The following CLEC12A variants were observed in gnomAD, a reference collection of about 807,000 sequenced individuals.
CLEC12A encodes the protein C-type lectin domain family 12 member A.
CLEC12A carries 22 observed loss-of-function variants against 26.5 expected under a neutral mutation model. The observed-to-expected ratio is 0.83, with a 90% CI of 0.59 to 1.19. The LOEUF (loss-of-function observed/expected upper bound fraction) is 1.19. Among genes scored for constraint, CLEC12A ranks in the 50% most tolerant of loss-of-function variants. The pLI, the probability that CLEC12A is intolerant of heterozygous loss-of-function variation, is 0.00. For synonymous variants in CLEC12A, 119 were observed against 101.9 expected (o/e 1.17, Z -1.01); for missense variants, 353 against 315.6 (o/e 1.12, Z -0.90).
chr12:9,988,277 G>A (rs933472928), downstream of CLEC12A, among the ~76,000 whole-genome samples: 1 of 152,040 alleles, frequency 6.6e-6, no homozygotes, highest in African/African-American at 2.4e-5. Context: ...GAAAACCTAG[G>A]CATTACCATT....
intron 1 of CLEC12A, among the ~76,000 whole-genome samples, chr12:9,956,833 C>T (rs1863749119): frequency 6.6e-6 from 1 of 152,152 alleles, no homozygotes; most frequent in South Asian, 2.1e-4. Context: ...AATCTTTGAC[C>T]TATGGCAACC....
At chr12:9,991,860 G>C (rs1864901582) in intron 4 of CLEC12A, 1 of 152,106 alleles carries the variant, frequency 6.6e-6, no homozygotes, top group Non-Finnish European at 1.5e-5. Context: ...AAGCCAGATA[G>C]AGAGTAAGTT....
chr12:9,997,992 G>A (rs1865092533), downstream of CLEC12A, among the ~76,000 whole-genome samples: 2 of 152,134 alleles, frequency 1.3e-5, no homozygotes, highest in Non-Finnish European at 1.5e-5. Context: ...TAGGAAAAGG[G>A]ATGAAAAAGT....
At chr12:9,992,830 T>C (rs1864923768) in intron 4 of CLEC12A, 1 of 228,348 alleles carries the variant, frequency 4.4e-6, no homozygotes, top group Admixed American at 5.1e-5. Context: ...TATATTGGCC[T>C]GATTTTGATG....
chr12:9,972,382 C>T (rs529620029), intron 1 of CLEC12A, among the ~76,000 whole-genome samples: 2 of 152,238 alleles, frequency 1.3e-5, no homozygotes, highest in South Asian at 4.1e-4. Flanking sequence ...TTGACTTTCA[C>T]TTAAACAAAA....
chr12:9,991,944 C>T (rs1313706892), intron 4 of CLEC12A: 1 of 152,056 alleles, frequency 6.6e-6, no homozygotes, highest in Admixed American at 6.6e-5. Flanking sequence ...CTGGTAAAAA[C>T]CCAGGTCTCT....
chr12:10,003,457 A>G, the CLEC12A span, among the ~76,000 whole-genome samples: 1 of 152,238 alleles, frequency 6.6e-6, no homozygotes, highest in Admixed American at 6.5e-5. Flanking sequence ...TGTAAGTAAA[A>G]TGTTAAACAA....
At chr12:9,965,518 G>T (rs900850415) in intron 1 of CLEC12A, among the ~76,000 whole-genome samples, 1 of 151,160 alleles carries the variant, frequency 6.6e-6, no homozygotes. Context: ...GAGAGGCTGG[G>T]ATGACGGGTG....
At chr12:10,002,689 G>A in the CLEC12A span, among the ~76,000 whole-genome samples, 8 of 152,022 alleles carry the variant, frequency 5.3e-5, no homozygotes, top group Admixed American at 1.3e-4. Context: ...TGATCCGCCC[G>A]CCTCGGCCTC....
At position 9,979,424 on chromosome 12, in the gene CLEC12A, GATGAGTAAC is replaced by G. The variant is rs745311444; in HGVS notation, c.284_292del (p.Ser95_Met97del). ...TCCAGAGAAATATTTCTCTACAACT[GATGAGTAAC>G]ATGAATATCTCCAACAAGATCAGGA... On this transcript the variant is annotated inframe_deletion, in exon 3 of 6. Coordinates refer to ENST00000304361, the MANE Select transcript of CLEC12A (RefSeq NM_138337.6). 6.2e-7 allele frequency: 1 copy of G among 1,612,276 alleles called. No homozygotes were observed. The highest frequency in any genetic ancestry group is 2.2e-5 in the East Asian group (1 of 44,804).
chr12:9,962,116 G>A (rs1863839082), intron 1 of CLEC12A, among the ~76,000 whole-genome samples: 1 of 152,190 alleles, frequency 6.6e-6, no homozygotes, highest in Non-Finnish European at 1.5e-5. Context: ...GCCTAATGTA[G>A]TAATGGCTTC....
At chr12:9,959,249 G>A (rs1863790761) in intron 1 of CLEC12A, among the ~76,000 whole-genome samples, 2 of 152,048 alleles carry the variant, frequency 1.3e-5, no homozygotes, top group Admixed American at 1.3e-4. Flanking sequence ...TCAGGAGTTT[G>A]AGACCAGCCT....
At chr12:10,003,900 A>G in the CLEC12A span, among the ~76,000 whole-genome samples, 2 of 152,338 alleles carry the variant, frequency 1.3e-5, no homozygotes, top group East Asian at 3.9e-4. Context: ...TGGGTGACAG[A>G]GCCAGACCAT....
chr12:9,990,902 T>C (rs1300907854), intron 4 of CLEC12A: 1 of 152,220 alleles, frequency 6.6e-6, no homozygotes, highest in African/African-American at 2.4e-5. Context: ...GGCAAGACGC[T>C]ACACCAGCAA....
chr12:9,964,613 C>T lies in CLEC12A; in HGVS notation c.11-6964C>T, dbSNP rs147911996. On this transcript the variant is annotated intron_variant, in intron 1 of 6. Coordinates refer to the CLEC12A transcript ENST00000355690. The stretch of plus-strand genomic sequence containing the variant: ...CCAGTCCTGGGTGGGGGCAAATCCT[C>T]GAGCTTGATGTGTAGGGAAAGGAGG... Among the ~76,000 whole-genome samples the T allele has an allele frequency of 1.5e-3, 228 of 151,984 alleles. 1 individual carries two copies. Among genetic ancestry groups the T allele is most frequent in the Non-Finnish European group, 2.4e-3 (166 of 67,958 alleles).
intron 1 of CLEC12A, among the ~76,000 whole-genome samples, chr12:9,977,955 A>G (rs886902872): frequency 4.6e-5 from 7 of 152,172 alleles, no homozygotes; most frequent in Non-Finnish European, 8.8e-5. Context: ...TTTAAGAAAG[A>G]TAGCACTGGC....
At chr12:9,988,429 C>G (rs1256003567), downstream of CLEC12A, among the ~76,000 whole-genome samples, 1 of 152,146 alleles carries the variant, frequency 6.6e-6, no homozygotes, top group East Asian at 1.9e-4. Flanking sequence ...GTACAGGCAA[C>G]CTACAAAATG....
chr12:9,986,112 C>T (rs1053516090), downstream of CLEC12A: 8 of 454,904 alleles, frequency 1.8e-5, no homozygotes, highest in East Asian at 1.4e-4. Flanking sequence ...GCCAAAATGA[C>T]GGAGAGCCAC....
exon 5 of CLEC12A, chr12:9,995,058 G>A (rs1225421387): frequency 6.3e-7 from 1 of 1,595,216 alleles, no homozygotes; most frequent in East Asian, 2.3e-5. Flanking sequence ...ACCCATAGTA[G>A]TGACTTGGAC....
Sources: allele counts gnomAD v4.1 joint callset (sites outside exome capture counted in the v4.1 genomes callset), GRCh38; gene constraint gnomAD v4.1.1; transcripts MANE v1.5; gene names NCBI Gene and HGNC (gene_info 2026-07-23, HGNC 2026-07-21).